Variants in FANCC observed in about 807,000 individuals in gnomAD.
FANCC encodes the protein Fanconi anemia group C protein.
A neutral mutation model predicts 71.3 loss-of-function variants in FANCC; 55 were observed. The observed-to-expected ratio is 0.77, with a 90% CI of 0.62 to 0.97. FANCC has a LOEUF of 0.97. FANCC is among the 50% of genes least tolerant of loss of function. FANCC has a pLI of 0.00. For missense variants in FANCC, 678 were observed against 670.9 expected (o/e 1.01, Z -0.12); for synonymous variants, 275 against 244.9 (o/e 1.12, Z -1.15).
chr9:95,248,235 T>C (rs1364688461), intron 2 of FANCC, among the ~76,000 whole-genome samples: 1 of 152,250 alleles, frequency 6.6e-6, no homozygotes, highest in Non-Finnish European at 1.5e-5. Flanking sequence ...TAGGATAACA[T>C]GCAGGTAAGC....
intron 6 of FANCC, among the ~76,000 whole-genome samples, chr9:95,170,094 A>C (rs185806538): frequency 6.6e-6 from 1 of 152,328 alleles, no homozygotes; most frequent in East Asian, 1.9e-4. Flanking sequence ...GTACATACAC[A>C]CTGCACTGAC....
chr9:95,248,080 CTG>C (rs1831106963), intron 2 of FANCC, among the ~76,000 whole-genome samples: 1 of 152,152 alleles, frequency 6.6e-6, no homozygotes. Flanking sequence ...ACATCATAGT[CTG>C]TAACAATCTA....
intron 1 of FANCC, among the ~76,000 whole-genome samples, chr9:95,302,247 T>C (rs356664): frequency 0.66 from 100,432 of 151,996 alleles, 33,648 homozygotes; most frequent in East Asian, 0.82. Flanking sequence ...ACAGAAGGGG[T>C]CACTGGCCAA....
chr9:95,249,014 G>C, intron 2 of FANCC, 113 bp downstream of exon 2: 1 of 1,070,592 alleles, frequency 9.3e-7, no homozygotes, highest in Non-Finnish European at 1.4e-6. Flanking sequence ...CTAATCCATC[G>C]GCACTTCAGT....
intron 1 of FANCC, among the ~76,000 whole-genome samples, chr9:95,269,581 G>T (rs1373839069): frequency 1.3e-5 from 2 of 152,184 alleles, no homozygotes; most frequent in Non-Finnish European, 2.9e-5. Flanking sequence ...TAAACATATA[G>T]AATACAACTG....
chr9:95,177,172 C>A (rs529053173), intron 4 of FANCC, among the ~76,000 whole-genome samples: 5 of 152,324 alleles, frequency 3.3e-5, no homozygotes, highest in Non-Finnish European at 5.9e-5. Flanking sequence ...CTGCTGCACA[C>A]CTAGGCTACA....
At chr9:95,181,544 C>A (rs1826368240) in intron 4 of FANCC, among the ~76,000 whole-genome samples, 1 of 152,218 alleles carries the variant, frequency 6.6e-6, no homozygotes, top group Admixed American at 6.5e-5. Flanking sequence ...GGTTCTTTCT[C>A]AAATGCTGGC....
intron 8 of FANCC, 135 bp downstream of exon 8, chr9:95,135,211 T>C (rs1020988144): frequency 5.0e-5 from 44 of 881,276 alleles, no homozygotes; most frequent in Non-Finnish European, 7.9e-5. Flanking sequence ...AAAAATAAAA[T>C]GTAAATACAC....
intron 1 of FANCC, among the ~76,000 whole-genome samples, chr9:95,276,980 T>C (rs1022770128): frequency 2.0e-5 from 3 of 152,226 alleles, no homozygotes; most frequent in Non-Finnish European, 4.4e-5. Context: ...ATTCTGTTTT[T>C]AGCACTGGTA....
At chr9:95,310,209 G>C (rs1247909201) in intron 1 of FANCC, among the ~76,000 whole-genome samples, 1 of 152,044 alleles carries the variant, frequency 6.6e-6, no homozygotes, top group African/African-American at 2.4e-5. Context: ...CAAAAATAAT[G>C]ATAATTAATT....
In FANCC at chr9:95,249,115, T is replaced by C. The variant is rs200547296; in HGVS notation, c.165+12A>G. The C allele has an allele frequency of 4.3e-6, 7 of 1,613,292 alleles. No homozygotes were observed. Among genetic ancestry groups the C allele is most frequent in the Middle Eastern group, 1.7e-4 (1 of 6,058 alleles). ...TCAGAAAATAATTTCATTATTCTGG[T>C]CCACTACTTACCATCTCTTTCAAGG... On this transcript the variant is annotated intron_variant, in intron 2 of 14. Coordinates refer to ENST00000289081, the MANE Select transcript of FANCC (RefSeq NM_000136.3).
At chr9:95,191,159 A>G (rs1827074532) in intron 4 of FANCC, among the ~76,000 whole-genome samples, 2 of 152,014 alleles carry the variant, frequency 1.3e-5, no homozygotes, top group Admixed American at 1.3e-4. Context: ...GTCTTCTGTC[A>G]TAAAAGACTG....
intron 4 of FANCC, among the ~76,000 whole-genome samples, chr9:95,218,044 A>C (rs1182648721): frequency 1.3e-5 from 2 of 152,218 alleles, no homozygotes; most frequent in African/African-American, 4.8e-5. Flanking sequence ...CTCAAGAAGA[A>C]ACAGAGAACC....
intron 4 of FANCC, among the ~76,000 whole-genome samples, chr9:95,181,496 C>T (rs1333606914): frequency 6.6e-6 from 1 of 152,134 alleles, no homozygotes; most frequent in African/African-American, 2.4e-5. Flanking sequence ...GGCATTGGCT[C>T]TTGGACAAAA....
At chr9:95,246,283 G>C (rs960268481) in intron 3 of FANCC, among the ~76,000 whole-genome samples, 1 of 152,176 alleles carries the variant, frequency 6.6e-6, no homozygotes, top group Non-Finnish European at 1.5e-5. Context: ...GGTAGAGTGA[G>C]GGAGGCTGAG....
In FANCC at chr9:95,111,539, G is replaced by A. The variant is rs772223845; in HGVS notation, c.1253C>T (p.Pro418Leu). 1.9e-6 allele frequency: 3 copies of A among 1,614,164 alleles called. No individual in the cohort carries two copies. The highest frequency in any genetic ancestry group is 1.7e-5 in the Admixed American group (1 of 60,026). The change falls in exon 13 of 15, where the codon CCC becomes CTC. Residue 418 changes from proline (P) to leucine (L), a missense_variant. Physicochemically the swap from Pro to Leu is moderately conservative, Grantham distance 98. Transcript: ENST00000289081. ...AEQLLMSAAE[P>L]PTALLWLLAF... is the part of the protein sequence containing the mutation. ...CAAGAGCCACAGCAGGGCCGTGGGG[G>A]GTTCGGCTGCCGACATCAGTAATTG...
chr9:95,276,135 C>T (rs1193656476), intron 1 of FANCC, among the ~76,000 whole-genome samples: 1 of 152,172 alleles, frequency 6.6e-6, no homozygotes, highest in East Asian at 1.9e-4. Context: ...AACTCTCCAA[C>T]CACCAGGAAA....
chr9:95,251,535 C>T (rs1434210971), intron 1 of FANCC, among the ~76,000 whole-genome samples: 2 of 151,970 alleles, frequency 1.3e-5, no homozygotes, highest in African/African-American at 4.8e-5. Flanking sequence ...AGGCGGGTCT[C>T]GACCTCCTGA....
chr9:95,123,379 C>T (rs1323817884), intron 10 of FANCC: 1 of 429,108 alleles, frequency 2.3e-6, no homozygotes, highest in Non-Finnish European at 4.6e-6. Flanking sequence ...GTGGCTCACA[C>T]CTGTAACCCC....
Sources: gnomAD v4.1 joint callset for allele counts (sites outside exome capture counted in the v4.1 genomes callset) on GRCh38, gnomAD v4.1.1 for gene constraint, MANE v1.5 for transcripts, NCBI Gene and HGNC (gene_info 2026-07-23, HGNC 2026-07-21) for gene names.